The following EYS variants were observed in gnomAD, a reference collection of about 807,000 sequenced individuals.
The protein encoded by EYS is protein eyes shut homolog.
In EYS, 250 loss-of-function variants were observed where a neutral mutation model predicts 282.1. The ratio of observed to expected loss-of-function variants is 0.89; its 90% CI spans 0.80 to 0.98. The LOEUF (loss-of-function observed/expected upper bound fraction) is 0.98. EYS is among the 50% of genes least tolerant of loss of function. The pLI, the probability that EYS is intolerant of heterozygous loss-of-function variation, is 0.00. For synonymous variants in EYS, 1,355 were observed against 1,282.9 expected (o/e 1.06, Z -1.20); for missense variants, 4,016 against 3,709.0 (o/e 1.08, Z -2.15).
intron 13 of EYS, among the ~76,000 whole-genome samples, chr6:65,014,693 C>T (rs1293071909): frequency 1.3e-5 from 2 of 152,032 alleles, no homozygotes; most frequent in Admixed American, 6.6e-5. Context: ...AATATGCCAT[C>T]GATTTTAAGG....
At chr6:64,098,204 T>C (rs1772699903) in intron 31 of EYS, among the ~76,000 whole-genome samples, 1 of 152,166 alleles carries the variant, frequency 6.6e-6, no homozygotes, top group South Asian at 2.1e-4. Context: ...CAAGGAAGCA[T>C]ATGTAAGAAT....
chr6:65,404,731 T>C (rs937682606), intron 6 of EYS, among the ~76,000 whole-genome samples: 3 of 151,952 alleles, frequency 2.0e-5, no homozygotes, highest in African/African-American at 7.2e-5. Flanking sequence ...CTTTTCAGAG[T>C]GTTAGTAACA....
At chr6:65,646,129 T>C (rs1360272148) in intron 1 of EYS, among the ~76,000 whole-genome samples, 2 of 152,128 alleles carry the variant, frequency 1.3e-5, no homozygotes, top group Non-Finnish European at 2.9e-5. Context: ...ATTCTACTGA[T>C]ACTATTCCAC....
chr6:64,609,511 C>T (rs1767041368), intron 24 of EYS, among the ~76,000 whole-genome samples: 1 of 152,124 alleles, frequency 6.6e-6, no homozygotes, highest in African/African-American at 2.4e-5. Flanking sequence ...CTGCACACAG[C>T]CTTGTAGACT....
chr6:64,190,406 T>G (rs1270349989), intron 31 of EYS, among the ~76,000 whole-genome samples: 3 of 152,174 alleles, frequency 2.0e-5, no homozygotes, highest in Non-Finnish European at 2.9e-5. Context: ...TTATATCAAT[T>G]AAGCAGTTAG....
chr6:64,930,210 G>T (rs186491488), intron 15 of EYS, among the ~76,000 whole-genome samples: 2 of 152,012 alleles, frequency 1.3e-5, no homozygotes, highest in Admixed American at 1.3e-4. Flanking sequence ...TCAAATAATA[G>T]ATTATAATTG....
At chr6:63,786,812 A>G (rs1238001482) in intron 39 of EYS, among the ~76,000 whole-genome samples, 1 of 152,158 alleles carries the variant, frequency 6.6e-6, no homozygotes, top group Non-Finnish European at 1.5e-5. Flanking sequence ...GTTCTTGGGT[A>G]GGGTTCAGAA....
chr6:64,942,582 A>T (rs1324425526), intron 15 of EYS, among the ~76,000 whole-genome samples: 4 of 151,202 alleles, frequency 2.6e-5, no homozygotes, highest in Non-Finnish European at 5.9e-5. Flanking sequence ...AGAGACCCTT[A>T]TGAACACCTC....
rs555494240 is a variant in EYS, at chr6:64,289,832, T to C, written c.6191+17138A>G. Among the ~76,000 whole-genome samples, 9 of 152,216 alleles carry C rather than the reference T, an allele frequency of 5.9e-5. No homozygotes were observed. The South Asian group carries it at 1.7e-3, about 28-fold the overall frequency. ...CATTTCTTGCTGGGGCTGAATAGTA[T>C]GGTACTCTTAGAAATTTGAATTTTG... is the stretch of plus-strand genomic sequence containing the variant. On this transcript the variant is annotated intron_variant, in intron 30 of 42. Coordinates refer to ENST00000503581, the MANE Select transcript of EYS (RefSeq NM_001142800.2).
chr6:64,887,368 C>T (rs1373690734), intron 18 of EYS, among the ~76,000 whole-genome samples: 1 of 151,674 alleles, frequency 6.6e-6, no homozygotes, highest in East Asian at 1.9e-4. Flanking sequence ...CAACATGGCA[C>T]ATGTATACAT....
chr6:64,568,915 A>C (rs1009595556), intron 26 of EYS, among the ~76,000 whole-genome samples: 1 of 151,938 alleles, frequency 6.6e-6, no homozygotes, highest in African/African-American at 2.4e-5. Flanking sequence ...AAAACTAACA[A>C]ACAGAAAGGA....
chr6:63,902,479 C>A (rs1039269770), intron 35 of EYS, among the ~76,000 whole-genome samples: 3 of 151,984 alleles, frequency 2.0e-5, no homozygotes, highest in Non-Finnish European at 2.9e-5. Context: ...TTTCTCATTT[C>A]ATCTTTAAAC....
chr6:64,183,830 T>A (rs1764853960), intron 31 of EYS, among the ~76,000 whole-genome samples: 1 of 152,124 alleles, frequency 6.6e-6, no homozygotes, highest in African/African-American at 2.4e-5. Context: ...TTTTCCCTTT[T>A]TATGGCAGGT....
chr6:65,511,906 G>A (rs1394509445), intron 2 of EYS, among the ~76,000 whole-genome samples: 1 of 148,278 alleles, frequency 6.7e-6, no homozygotes, highest in East Asian at 2.0e-4. Flanking sequence ...ACTTGAACCT[G>A]GGAGGCAGGC....
intron 35 of EYS, among the ~76,000 whole-genome samples, chr6:63,887,025 G>A (rs1325099830): frequency 6.6e-6 from 1 of 152,180 alleles, no homozygotes. Flanking sequence ...CAAAGGGCAG[G>A]TAGGTCAGGA....
chr6:65,330,206 G>T (rs1769745934), intron 11 of EYS: 1 of 967,414 alleles, frequency 1.0e-6, no homozygotes, highest in Admixed American at 6.2e-5. Flanking sequence ...CTGGGGACAG[G>T]TATCATGTCT....
At chr6:65,101,814 T>G (rs1480018985) in intron 12 of EYS, among the ~76,000 whole-genome samples, 1 of 151,230 alleles carries the variant, frequency 6.6e-6, no homozygotes, top group African/African-American at 2.4e-5. Context: ...GGTCAGCTTT[T>G]CATTTACAGC....
rs139099588 is a variant in EYS at position 64,063,611 on chromosome 6, T to G, written c.6725+2727A>C. 9.2e-3 allele frequency among the ~76,000 whole-genome samples: 1,394 copies of G among 152,324 alleles called. 31 individuals are homozygous for G. Among genetic ancestry groups the G allele is most frequent in the African/African-American group, 0.031 (1,285 of 41,570 alleles). On this transcript the variant is annotated intron_variant, in intron 33 of 42. Transcript: ENST00000503581. ...AGACAGCATTTGCAAACTGTCTACC[T>G]TTCAAACTTTGTTTTTCATTACTAA...
chr6:63,743,178 A>T (rs1303814877), intron 41 of EYS, among the ~76,000 whole-genome samples: 1 of 152,214 alleles, frequency 6.6e-6, no homozygotes, highest in Non-Finnish European at 1.5e-5. Context: ...CAGTAGATGC[A>T]TAGTGATATC....
Sources: allele counts gnomAD v4.1 joint callset (sites outside exome capture counted in the v4.1 genomes callset), GRCh38; gene constraint gnomAD v4.1.1; transcripts MANE v1.5; gene names NCBI Gene and HGNC (gene_info 2026-07-23, HGNC 2026-07-21).